The following TOPBP1 variants were observed in gnomAD, a reference collection of about 807,000 sequenced individuals.
TOPBP1 encodes DNA topoisomerase 2-binding protein 1.
Under a neutral mutation model 167.7 loss-of-function variants are expected in TOPBP1, and 28 were observed. The observed-to-expected ratio is 0.17, with a 90% confidence interval of 0.12 to 0.23. The LOEUF (loss-of-function observed/expected upper bound fraction) is 0.23. Ranked by LOEUF, TOPBP1 falls within the 10% of genes least tolerant of loss-of-function variation. TOPBP1 has a pLI of 1.00. For synonymous variants in TOPBP1, 598 were observed against 611.4 expected (o/e 0.98, Z 0.32); for missense variants, 1,554 against 1,809.6 (o/e 0.86, Z 2.56).
intron 23 of TOPBP1, among the ~76,000 whole-genome samples, chr3:133,613,124 G>A (rs1934739136): frequency 6.6e-6 from 1 of 152,066 alleles, no homozygotes; most frequent in South Asian, 2.1e-4. Flanking sequence ...GCCTCCCGAA[G>A]TGCTGGGATT....
chr3:133,623,907 A>C (rs982376529), intron 17 of TOPBP1, 145 bp downstream of exon 17: 45 of 978,724 alleles, frequency 4.6e-5, no homozygotes, highest in Non-Finnish European at 6.3e-5. Flanking sequence ...TTGATGCCAA[A>C]GATCTGAAAT....
intron 2 of TOPBP1, 29 bp downstream of exon 2, chr3:133,661,015 C>A (rs565297240): frequency 1.3e-6 from 2 of 1,484,886 alleles, no homozygotes; most frequent in Admixed American, 2.5e-5. Flanking sequence ...AAAATGAATT[C>A]ACGGTATTAA....
At chr3:133,621,036 G>C (rs1206667121) in intron 19 of TOPBP1, among the ~76,000 whole-genome samples, 1 of 151,662 alleles carries the variant, frequency 6.6e-6, no homozygotes, top group Non-Finnish European at 1.5e-5. Flanking sequence ...TTTAGAGACA[G>C]AGTCTTGCTC....
intron 16 of TOPBP1, among the ~76,000 whole-genome samples, chr3:133,625,731 C>CAA (rs369824399): frequency 7.4e-6 from 1 of 135,200 alleles, no homozygotes; most frequent in African/African-American, 2.7e-5. Context: ...AACTCCCTCT[C>CAA]AAAAAAAAAA....
intron 2 of TOPBP1, among the ~76,000 whole-genome samples, chr3:133,660,744 T>C (rs1936672487): frequency 6.6e-6 from 1 of 152,164 alleles, no homozygotes; most frequent in Non-Finnish European, 1.5e-5. Context: ...GACTCAAATT[T>C]CTACAGCACG....
intron 14 of TOPBP1, among the ~76,000 whole-genome samples, chr3:133,635,064 C>T (rs978735321): frequency 1.3e-5 from 2 of 152,140 alleles, no homozygotes; most frequent in African/African-American, 4.8e-5. Context: ...TTAAAACTGA[C>T]AAATAATAAA....
intron 14 of TOPBP1, among the ~76,000 whole-genome samples, chr3:133,636,122 G>A (rs1007897311): frequency 5.3e-5 from 8 of 152,138 alleles, no homozygotes; most frequent in Admixed American, 3.9e-4. Context: ...AAGCAGCGAT[G>A]GAGCCACAAG....
intron 23 of TOPBP1, 57 bp downstream of exon 23, chr3:133,616,757 G>T: frequency 2.0e-6 from 2 of 1,013,700 alleles, no homozygotes; most frequent in Non-Finnish European, 2.8e-6. Flanking sequence ...GACTACATTT[G>T]ACTTCCAAAT....
chr3:133,618,807 A>G (rs1207337563), intron 20 of TOPBP1, among the ~76,000 whole-genome samples: 2 of 152,186 alleles, frequency 1.3e-5, no homozygotes, highest in Non-Finnish European at 2.9e-5. Context: ...TGTTTCAAAC[A>G]CTATGGTTAC....
At chr3:133,628,247 T>C (rs1935332164) in intron 16 of TOPBP1, 115 bp downstream of exon 16, 1 of 938,556 alleles carries the variant, frequency 1.1e-6, no homozygotes, top group Non-Finnish European at 1.6e-6. Context: ...AGAGATTTTG[T>C]AGATAAAGAT....
Position 133,618,196 on chromosome 3 carries a change from G to A in TOPBP1, c.3592+17C>T. On this transcript the variant is annotated intron_variant, in intron 21 of 27. Coordinates refer to ENST00000260810, the MANE Select transcript of TOPBP1 (RefSeq NM_007027.4). ...TGTACTTAATACAAACAAATGCAAA[G>A]ATTTCTTTCTTGTTACCCTGTTTAG... 6.3e-7 allele frequency: 1 copy of A among 1,591,584 alleles called. No individual in the cohort carries two copies. Among genetic ancestry groups the A allele is most frequent in the Non-Finnish European group, 8.6e-7 (1 of 1,160,008 alleles).
intron 19 of TOPBP1, among the ~76,000 whole-genome samples, chr3:133,622,027 G>A (rs954885754): frequency 1.3e-5 from 2 of 150,560 alleles, no homozygotes; most frequent in Non-Finnish European, 3.0e-5. Flanking sequence ...AGGGAAAGGA[G>A]AGGAAGGGGG....
At chr3:133,636,503 G>A (rs564934934) in intron 14 of TOPBP1, among the ~76,000 whole-genome samples, 13 of 152,152 alleles carry the variant, frequency 8.5e-5, no homozygotes, top group Admixed American at 3.9e-4. Flanking sequence ...AGAAAAAAGA[G>A]GAAAAACACT....
chr3:133,622,811 T>A (rs989946158), intron 19 of TOPBP1, among the ~76,000 whole-genome samples: 2 of 152,236 alleles, frequency 1.3e-5, no homozygotes, highest in Non-Finnish European at 1.5e-5. Context: ...CCTAGTTTCA[T>A]AAATTTCATA....
At chr3:133,624,843 A>G (rs762686189) in intron 16 of TOPBP1, among the ~76,000 whole-genome samples, 2 of 152,224 alleles carry the variant, frequency 1.3e-5, no homozygotes, top group Admixed American at 6.5e-5. Context: ...TAAAAGAACT[A>G]AGGGACATGG....
intron 27 of TOPBP1, among the ~76,000 whole-genome samples, chr3:133,607,656 A>T (rs2107769029): frequency 6.6e-6 from 1 of 152,254 alleles, no homozygotes; most frequent in East Asian, 1.9e-4. Context: ...CAGGAGTCCA[A>T]GGGTCCATCA....
intron 6 of TOPBP1, 148 bp downstream of exon 6, chr3:133,655,142 T>C: frequency 3.0e-6 from 1 of 332,378 alleles, no homozygotes; most frequent in East Asian, 7.5e-5. Flanking sequence ...GAGGCAGAGG[T>C]TGCAGTGAGC....
chr3:133,653,249 G>C, intron 7 of TOPBP1, 96 bp downstream of exon 7: 1 of 1,204,624 alleles, frequency 8.3e-7, no homozygotes, highest in Admixed American at 3.6e-5. Context: ...ACAAGAAAAA[G>C]AAATTCCCTA....
chr3:133,612,866 GTTTTAA>G (rs950893882), intron 23 of TOPBP1, among the ~76,000 whole-genome samples: 80 of 151,962 alleles, frequency 5.3e-4, no homozygotes, highest in African/African-American at 1.8e-3. Flanking sequence ...ATTTTATTCT[GTTTTAA>G]TTTTAATTTT....
Sources: allele counts gnomAD v4.1 joint callset (sites outside exome capture counted in the v4.1 genomes callset), GRCh38; gene constraint gnomAD v4.1.1; transcripts MANE v1.5; gene names NCBI Gene and HGNC (gene_info 2026-07-23, HGNC 2026-07-21).